LMBRD1: variants seen among roughly 807,000 people sequenced by gnomAD.
LMBRD1 encodes the protein lysosomal cobalamin transport escort protein LMBD1.
Under a neutral mutation model 74.8 loss-of-function variants are expected in LMBRD1, and 64 were observed. The ratio of observed to expected loss-of-function variants is 0.86; its 90% CI spans 0.70 to 1.05. The LOEUF (loss-of-function observed/expected upper bound fraction) is 1.05. Among genes scored for constraint, LMBRD1 ranks in the 50% least tolerant of loss-of-function variants. The pLI is 0.00. For synonymous variants in LMBRD1, 204 were observed against 216.3 expected (o/e 0.94, Z 0.50); for missense variants, 652 against 645.9 (o/e 1.01, Z -0.10).
chr6:69,788,262 G>A (rs1230361831), intron 2 of LMBRD1, among the ~76,000 whole-genome samples: 3 of 151,884 alleles, frequency 2.0e-5, no homozygotes, highest in Non-Finnish European at 2.9e-5. Context: ...AAAAATCTCC[G>A]ATTCAAACAA....
At chr6:69,771,876 A>G (rs1022167333) in intron 3 of LMBRD1, among the ~76,000 whole-genome samples, 9 of 66,306 alleles carry the variant, frequency 1.4e-4, no homozygotes, top group Admixed American at 5.2e-4. Flanking sequence ...TTATAGCTAG[A>G]AAAAAAAAAG....
chr6:69,722,237 C>G (rs1467771868), intron 7 of LMBRD1, among the ~76,000 whole-genome samples: 1 of 152,004 alleles, frequency 6.6e-6, no homozygotes, highest in Non-Finnish European at 1.5e-5. Flanking sequence ...CCCAGAGAAA[C>G]AAAAGCTAAG....
rs375755514 is a variant in LMBRD1, at chr6:69,676,154, G to A, written c.*4C>T. 1.3e-6 allele frequency: 2 copies of A among 1,597,982 alleles called. No homozygotes were observed. Among genetic ancestry groups the A allele is most frequent in the Admixed American group, 3.3e-5 (2 of 59,908 alleles). On this transcript the variant is annotated 3_prime_UTR_variant, in exon 16 of 16. Coordinates refer to ENST00000649934, the MANE Select transcript of LMBRD1 (RefSeq NM_018368.4). The stretch of plus-strand genomic sequence containing the variant: ...CATTATAAAACCTTTAAGACAGAAG[G>A]CTGTCAAGCAGAATAGACAGAGGGC...
chr6:69,751,416 T>A (rs543643131), intron 4 of LMBRD1, among the ~76,000 whole-genome samples: 1 of 151,754 alleles, frequency 6.6e-6, no homozygotes, highest in African/African-American at 2.4e-5. Flanking sequence ...AACCTCCGCC[T>A]CGCGGGTTCA....
intron 7 of LMBRD1, among the ~76,000 whole-genome samples, chr6:69,720,436 C>T (rs556219279): frequency 6.6e-6 from 1 of 152,246 alleles, no homozygotes; most frequent in South Asian, 2.1e-4. Context: ...GAAGAAGATT[C>T]TGTTACTATT....
chr6:69,787,820 CTAAATA>C (rs1765991075), intron 2 of LMBRD1, among the ~76,000 whole-genome samples: 1 of 152,138 alleles, frequency 6.6e-6, no homozygotes, highest in African/African-American at 2.4e-5. Context: ...TTTTCCCCTT[CTAAATA>C]TTAGTGTAAC....
intron 7 of LMBRD1, among the ~76,000 whole-genome samples, chr6:69,722,512 G>C (rs1330465944): frequency 6.6e-6 from 1 of 151,602 alleles, no homozygotes; most frequent in South Asian, 2.1e-4. Context: ...GAGACGTAAA[G>C]AGAAACAACA....
At chr6:69,700,317 T>G (rs958315749) in intron 12 of LMBRD1, among the ~76,000 whole-genome samples, 5 of 151,864 alleles carry the variant, frequency 3.3e-5, no homozygotes, top group African/African-American at 1.2e-4. Flanking sequence ...TAATCTTTAC[T>G]AATAGGGAGG....
chr6:69,794,861 T>C (rs1193810058), intron 1 of LMBRD1, among the ~76,000 whole-genome samples: 2 of 152,230 alleles, frequency 1.3e-5, no homozygotes, highest in African/African-American at 2.4e-5. Flanking sequence ...TATAAAACCA[T>C]GCATGGGTAA....
chr6:69,676,606 T>C (rs1043366953), intron 14 of LMBRD1, 65 bp from the exon 15 acceptor site: 26 of 1,226,936 alleles, frequency 2.1e-5, no homozygotes, highest in Non-Finnish European at 2.9e-5. Flanking sequence ...ATTAATACTT[T>C]CTCTAAAAGA....
intron 5 of LMBRD1, among the ~76,000 whole-genome samples, chr6:69,745,345 G>A (rs1187846016): frequency 2.7e-5 from 4 of 147,240 alleles, no homozygotes; most frequent in East Asian, 4.1e-4. Context: ...TGCAAGCTCC[G>A]CTTCCCGGGT....
chr6:69,691,049 A>T (rs1240169067), intron 14 of LMBRD1, among the ~76,000 whole-genome samples: 1 of 151,370 alleles, frequency 6.6e-6, no homozygotes, highest in Non-Finnish European at 1.5e-5. Flanking sequence ...TAGCCTTTCT[A>T]CCTTTGTTTT....
rs769634925 is a variant in LMBRD1, at chr6:69,777,906, G to C, written c.307+2588C>G. ...TCAAAATCCAGGAGAAGACAAATTA[G>C]ATGTTTCCTATTAGGGCAGTTAGAT... On this transcript the variant is annotated intron_variant, in intron 3 of 15. Coordinates refer to ENST00000649934, the MANE Select transcript of LMBRD1 (RefSeq NM_018368.4). Among the ~76,000 whole-genome samples, 73 of 152,332 alleles carry C rather than the reference G, an allele frequency of 4.8e-4. 1 individual carries two copies. Among genetic ancestry groups the C allele is most frequent in the Middle Eastern group, 3.4e-3 (1 of 294 alleles).
At position 69,713,681 on chromosome 6, in the gene LMBRD1, C is replaced by A. The variant is rs772389235; in HGVS notation, c.879G>T (p.Trp293Cys). The A allele has an allele frequency of 6.2e-7, 1 of 1,613,606 alleles. No individual in the cohort carries two copies. Among genetic ancestry groups the A allele is most frequent in the Non-Finnish European group, 8.5e-7 (1 of 1,179,650 alleles). Residue 293 changes from tryptophan (W) to cysteine (C), a missense_variant, in exon 9 of 16, where the codon TGG (tryptophan) becomes TGT (cysteine). Trp to Cys is a radical substitution (Grantham distance 215, BLOSUM62 -2). This residue lies in a region of LMBRD1 where 598 missense variants were observed against 581.8 expected (regional missense o/e 1.03). Transcript: ENST00000649934. The part of the protein sequence containing the change: ...ERHLEFIENS[W>C]WTKFCGALRP... ...GCAGAGCGCCACAAAATTTTGTCCA[C>A]CAGCTGTTTTCAATGAATTCTAAAT... is the stretch of plus-strand genomic sequence containing the variant.
intron 2 of LMBRD1, among the ~76,000 whole-genome samples, chr6:69,786,558 G>C (rs1310345445): frequency 6.6e-6 from 1 of 150,502 alleles, no homozygotes; most frequent in Non-Finnish European, 1.5e-5. Context: ...AACTATCAAA[G>C]ACTGTTAAAG....
rs1484622081 is a variant in LMBRD1 at position 69,697,609 on chromosome 6, A to T, written c.1371T>A (p.Asn457Lys). ...TNITSDNHKG[N>K]STLSVPKRCD... ...ATCTCTTTGGCACAGAAAGGGTTGA[A>T]TTGCCTTTATGATTATCAGAAGTTA... is the stretch of plus-strand genomic sequence containing the variant. Residue 457 changes from asparagine to lysine, a missense_variant, in exon 14 of 16, where the codon AAT becomes AAA. Transcript: ENST00000649934. 6.2e-7 allele frequency: 1 copy of T among 1,604,364 alleles called. No homozygotes were observed. The highest frequency in any genetic ancestry group is 1.3e-5 in the African/African-American group (1 of 74,894).
chr6:69,701,625 T>A, intron 10 of LMBRD1, 80 bp from the exon 11 acceptor site: 1 of 844,224 alleles, frequency 1.2e-6, no homozygotes, highest in Non-Finnish European at 2.0e-6. Flanking sequence ...AATTTAAGCA[T>A]GCAAATACAC....
intron 14 of LMBRD1, among the ~76,000 whole-genome samples, chr6:69,683,155 T>C (rs753353580): frequency 1.4e-4 from 22 of 151,920 alleles, no homozygotes; most frequent in Non-Finnish European, 2.5e-4. Context: ...CCCAGCAACA[T>C]CCAAGAAAAA....
chr6:69,702,851 T>C (rs1766163484), intron 9 of LMBRD1, among the ~76,000 whole-genome samples: 1 of 152,002 alleles, frequency 6.6e-6, no homozygotes, highest in South Asian at 2.1e-4. Flanking sequence ...TCATGAATGG[T>C]AGGGAGATTT....
Sources: gnomAD v4.1 joint callset for allele counts (sites outside exome capture counted in the v4.1 genomes callset) on GRCh38, gnomAD v4.1.1 for gene constraint, gnomAD v4.1.1 regional missense constraint, MANE v1.5 for transcripts, NCBI Gene and HGNC (gene_info 2026-07-23, HGNC 2026-07-21) for gene names.